ITGAL: variants seen among roughly 807,000 people sequenced by gnomAD.
ITGAL encodes the protein integrin alpha-L.
A neutral mutation model predicts 138.4 loss-of-function variants in ITGAL; 68 were observed. The observed-to-expected ratio is 0.49, with a 90% confidence interval of 0.40 to 0.60. The LOEUF is 0.60. Among genes scored for constraint, ITGAL ranks in the 20% least tolerant of loss-of-function variants. The probability of loss-of-function intolerance (pLI) is 0.00; values close to 1 mark genes in which losing one functional copy is unlikely to be tolerated. For synonymous variants in ITGAL, 561 were observed against 584.3 expected, an observed-to-expected ratio of 0.96 and a Z score of 0.57; for missense variants, 1,256 against 1,478.6, an observed-to-expected ratio of 0.85 and a Z score of 2.47.
At chr16:30,481,187 A>T in intron 6 of ITGAL, 1 of 417,272 alleles carries the variant, frequency 2.4e-6, no homozygotes, top group East Asian at 5.2e-5. Context: ...CACACACCAC[A>T]CACACACAAA....
intron 13 of ITGAL, among the ~76,000 whole-genome samples, chr16:30,495,710 G>A (rs1184903802): frequency 6.6e-6 from 1 of 152,104 alleles, no homozygotes; most frequent in Non-Finnish European, 1.5e-5. Context: ...TTAGCCAGAT[G>A]TGGTGGTACA....
In ITGAL at chr16:30,499,079, G is replaced by C; in HGVS notation, c.1838G>C (p.Arg613Pro). Residue 613 changes from arginine (R) to proline (P), a missense_variant, in exon 16 of 31, where the codon CGG becomes CCG. Transcript: ENST00000356798. ...GGTTGCCTTCTGCCCTGCAGCTCCC[G>C]GCCCGTGGTGGATATGGTCACCCTG... ...AESQMIVLSS[R>P]PVVDMVTLMS... 6.2e-7 allele frequency: 1 copy of C among 1,613,854 alleles called. No homozygotes were observed. The highest frequency in any genetic ancestry group is 8.5e-7 in the Non-Finnish European group (1 of 1,179,912).
intron 18 of ITGAL, chr16:30,504,879 G>A: frequency 6.1e-6 from 1 of 164,036 alleles, no homozygotes; most frequent in Admixed American, 6.2e-5. Context: ...AAATTAGCCA[G>A]GCGTGGTGGT....
intron 15 of ITGAL, among the ~76,000 whole-genome samples, 183 bp downstream of exon 15, chr16:30,496,749 C>CT (rs2050806509): frequency 6.6e-6 from 1 of 151,902 alleles, no homozygotes; most frequent in East Asian, 1.9e-4. Flanking sequence ...TTAAGTGATC[C>CT]TCCCACCTCA....
chr16:30,515,778 C>T (rs1290384051), intron 25 of ITGAL, among the ~76,000 whole-genome samples: 1 of 152,146 alleles, frequency 6.6e-6, no homozygotes, highest in Non-Finnish European at 1.5e-5. Flanking sequence ...TCAAGACCAG[C>T]CTGGCCAACA....
chr16:30,474,907 G>A (rs1049028165), intron 2 of ITGAL, among the ~76,000 whole-genome samples: 8 of 133,136 alleles, frequency 6.0e-5, no homozygotes, highest in East Asian at 2.3e-4. Flanking sequence ...CGCCCAGGCT[G>A]TAGTGCAACG....
intron 25 of ITGAL, 64 bp downstream of exon 25, chr16:30,513,910 G>C (rs2051128352): frequency 5.6e-6 from 7 of 1,244,934 alleles, no homozygotes; most frequent in Non-Finnish European, 8.3e-6. Flanking sequence ...CGGGGACTGA[G>C]GATGCAGGCA....
rs2050799276 is a variant in ITGAL at position 30,496,313 on chromosome 16, CA to C, written c.1701+21del. 3 of 1,601,056 alleles carry C rather than the reference CA, an allele frequency of 1.9e-6. No individual in the cohort carries two copies. The highest frequency in any genetic ancestry group is 2.6e-6 in the Non-Finnish European group (3 of 1,171,874). Reference sequence around the variant, plus strand: ...AAGTCAGGTGACGTATGCTGCCTGCCAATCACACTCCATTCTCAGGTGCCCT... The same window carrying C: ...AAGTCAGGTGACGTATGCTGCCTGCCATCACACTCCATTCTCAGGTGCCCT... On this transcript the variant is annotated intron_variant, in intron 14 of 30. Transcript: ENST00000356798.
intron 24 of ITGAL, among the ~76,000 whole-genome samples, chr16:30,512,678 C>A (rs535041606): frequency 3.2e-4 from 48 of 151,632 alleles, no homozygotes; most frequent in Non-Finnish European, 5.9e-4. Context: ...AGTGTCTGAG[C>A]TCAGGTCTCT....
chr16:30,493,556 G>A lies in ITGAL; in HGVS notation c.1214-656G>A, dbSNP rs950804794. On this transcript the variant is annotated intron_variant, in intron 11 of 30. Transcript: ENST00000356798. Reference sequence around the variant, plus strand: ...CTCCCAAAGCGCTGGGATTACAGGCGTGAGCCACCGCACCTGGACTCCCAT... The same window carrying A: ...CTCCCAAAGCGCTGGGATTACAGGCATGAGCCACCGCACCTGGACTCCCAT... 7.0e-4 allele frequency among the ~76,000 whole-genome samples: 107 copies of A among 152,186 alleles called. 1 individual carries two copies. Among genetic ancestry groups the A allele is most frequent in the Non-Finnish European group, 2.9e-4 (20 of 67,994 alleles).
chr16:30,484,754 A>G (rs1300254334), intron 9 of ITGAL, among the ~76,000 whole-genome samples: 1 of 152,122 alleles, frequency 6.6e-6, no homozygotes, highest in Non-Finnish European at 1.5e-5. Flanking sequence ...CCCCGTCTCT[A>G]CTAAAAATAC....
At position 30,500,060 on chromosome 16, in the gene ITGAL, ATTT is replaced by A. The variant is rs2050871250; in HGVS notation, c.2145+572_2145+574del. On this transcript the variant is annotated intron_variant, in intron 17 of 30. Transcript: ENST00000356798. ...CATCGCTCCTGGCCTATTTTATATT[ATTT>A]ATTTATTTATTTATTTATTTATTTA... is the stretch of plus-strand genomic sequence containing the variant. 6.0e-4 allele frequency among the ~76,000 whole-genome samples: 23 copies of A among 38,240 alleles called. No individual in the cohort carries two copies. The South Asian group carries it at 0.087, about 144-fold the overall frequency. The allele number at this position is 38,240 out of a possible 152,430, so 25.1% of individuals were successfully genotyped here.
At chr16:30,500,057 A>ACTAT in intron 17 of ITGAL, among the ~76,000 whole-genome samples, 1 of 125,504 alleles carries the variant, frequency 8.0e-6, no homozygotes, top group African/African-American at 3.1e-5. Context: ...CCTATTTTAT[A>ACTAT]TTATTTATTT....
chr16:30,490,996 A>G (rs533575318), intron 11 of ITGAL, among the ~76,000 whole-genome samples: 4 of 149,304 alleles, frequency 2.7e-5, no homozygotes, highest in Non-Finnish European at 5.9e-5. Flanking sequence ...TTAGTTGGGC[A>G]TGGTTGTGCA....
At chr16:30,508,493 G>A (rs1022394626) in intron 21 of ITGAL, among the ~76,000 whole-genome samples, 4 of 152,170 alleles carry the variant, frequency 2.6e-5, no homozygotes, top group East Asian at 1.9e-4. Context: ...GATTACAGGC[G>A]TGAGCCACTG....
At chr16:30,484,949 A>G (rs1313876044) in intron 9 of ITGAL, among the ~76,000 whole-genome samples, 2 of 152,066 alleles carry the variant, frequency 1.3e-5, no homozygotes, top group East Asian at 3.9e-4. Flanking sequence ...AAAAACAAAA[A>G]AAAACCTCCC....
chr16:30,475,691 TCAGAGTCAA>T (rs1366104162), intron 4 of ITGAL, 111 bp downstream of exon 4: 1 of 664,908 alleles, frequency 1.5e-6, no homozygotes, highest in African/African-American at 1.9e-5. Flanking sequence ...GTCAAAGGCA[TCAGAGTCAA>T]TTAGTGTTTA....
chr16:30,489,052 G>T, intron 9 of ITGAL, 30 bp from the exon 10 acceptor site: 1 of 1,594,534 alleles, frequency 6.3e-7, no homozygotes, highest in Non-Finnish European at 8.6e-7. Flanking sequence ...CTGCTGTTGG[G>T]TCTCACCTGT....
At chr16:30,498,964 T>C in intron 15 of ITGAL, 110 bp from the exon 16 acceptor site, 2 of 859,674 alleles carry the variant, frequency 2.3e-6, no homozygotes, top group Non-Finnish European at 3.6e-6. Flanking sequence ...CATGTTGAGG[T>C]CTGCTTTAGG....
Sources: gnomAD v4.1 joint callset for allele counts (sites outside exome capture counted in the v4.1 genomes callset) on GRCh38, gnomAD v4.1.1 for gene constraint, MANE v1.5 for transcripts, NCBI Gene and HGNC (gene_info 2026-07-23, HGNC 2026-07-21) for gene names.